RALGPS1: variants seen among roughly 807,000 people sequenced by gnomAD.
RALGPS1 encodes the protein Ral GEF with PH domain and SH3 binding motif 1.
Under a neutral mutation model 78.8 loss-of-function variants are expected in RALGPS1, and 19 were observed. The ratio of observed to expected loss-of-function variants is 0.24; its 90% CI spans 0.17 to 0.35. The LOEUF is 0.35. Among genes scored for constraint, RALGPS1 ranks in the 10% least tolerant of loss-of-function variants. The probability of loss-of-function intolerance (pLI) is 1.00; values close to 1 mark genes in which losing one functional copy is unlikely to be tolerated. For synonymous variants in RALGPS1, 228 were observed against 256.3 expected (o/e 0.89, Z 1.06); for missense variants, 454 against 688.3 (o/e 0.66, Z 3.81).
intron 7 of RALGPS1, among the ~76,000 whole-genome samples, chr9:127,066,863 A>G (rs2135780002): frequency 6.6e-6 from 1 of 152,270 alleles, no homozygotes; most frequent in East Asian, 1.9e-4. Context: ...CCCAGGCTGG[A>G]GTACGGTGGC....
intron 17 of RALGPS1, among the ~76,000 whole-genome samples, chr9:127,214,472 A>G (rs2062461189): frequency 6.6e-6 from 1 of 152,038 alleles, no homozygotes; most frequent in Admixed American, 6.6e-5. Flanking sequence ...AGTATTATCG[A>G]TTTCCTTTGT....
chr9:127,133,806 G>C (rs2057192092), intron 8 of RALGPS1, among the ~76,000 whole-genome samples: 1 of 152,026 alleles, frequency 6.6e-6, no homozygotes, highest in African/African-American at 2.4e-5. Flanking sequence ...GCAAATCCCA[G>C]CTGACACCCC....
intron 4 of RALGPS1, among the ~76,000 whole-genome samples, chr9:127,003,484 C>G (rs966696923): frequency 6.6e-6 from 1 of 152,104 alleles, no homozygotes; most frequent in African/African-American, 2.4e-5. Context: ...CAGAGAAATG[C>G]AAATCAAAAC....
chr9:127,098,115 A>G (rs1230746525), intron 8 of RALGPS1, among the ~76,000 whole-genome samples: 1 of 152,258 alleles, frequency 6.6e-6, no homozygotes, highest in Non-Finnish European at 1.5e-5. Context: ...TTTCAATACA[A>G]GACTAAATGT....
In RALGPS1 at chr9:126,978,076, G is replaced by A. The variant is rs555631966; in HGVS notation, c.216+331G>A. 8.3e-4 allele frequency: 175 copies of A among 210,086 alleles called. 2 individuals carry two copies. The highest frequency in any genetic ancestry group is 2.7e-3 in the South Asian group (15 of 5,532). 13.0% of individuals were successfully genotyped at this position (210,086 alleles called of 1,614,324 possible). On this transcript the variant is annotated intron_variant, in intron 4 of 18. Coordinates refer to ENST00000259351, the MANE Select transcript of RALGPS1 (RefSeq NM_014636.3). ...TGTTTGCTTTCAAGAAGTGATGTGA[G>A]GGAACATTTTTCTGGAAAGTTCTCT...
intron 8 of RALGPS1, among the ~76,000 whole-genome samples, chr9:127,080,163 G>A (rs2051043984): frequency 6.6e-6 from 1 of 152,198 alleles, no homozygotes; most frequent in South Asian, 2.1e-4. Flanking sequence ...ATTAGGGTCT[G>A]AGAGGGCCTG....
intron 8 of RALGPS1, among the ~76,000 whole-genome samples, chr9:127,151,697 C>T (rs1199423121): frequency 6.6e-6 from 1 of 151,996 alleles, no homozygotes; most frequent in East Asian, 1.9e-4. Context: ...AGTGTTTAGC[C>T]AGAATGGGTC....
At chr9:126,956,826 G>A (rs1478840025) in intron 1 of RALGPS1, among the ~76,000 whole-genome samples, 1 of 152,224 alleles carries the variant, frequency 6.6e-6, no homozygotes, top group Non-Finnish European at 1.5e-5. Context: ...CACTGACACC[G>A]ATAGTAACTG....
chr9:126,982,632 A>G (rs1329354490), intron 4 of RALGPS1, among the ~76,000 whole-genome samples: 1 of 151,984 alleles, frequency 6.6e-6, no homozygotes, highest in Non-Finnish European at 1.5e-5. Context: ...TGTGGTTGTC[A>G]CCCACCAGTT....
At chr9:127,171,450 C>T (rs1244969899) in intron 10 of RALGPS1, among the ~76,000 whole-genome samples, 4 of 152,098 alleles carry the variant, frequency 2.6e-5, no homozygotes, top group Admixed American at 6.5e-5. Flanking sequence ...AAAGAGCCTT[C>T]TAAAATTAAT....
At chr9:127,083,596 C>T (rs1355060173) in intron 8 of RALGPS1, among the ~76,000 whole-genome samples, 1 of 152,222 alleles carries the variant, frequency 6.6e-6, no homozygotes, top group African/African-American at 2.4e-5. Flanking sequence ...TGCCCATGGA[C>T]TTGGGGAGAT....
chr9:126,941,285 G>T (rs2036765183), intron 1 of RALGPS1, among the ~76,000 whole-genome samples: 1 of 151,940 alleles, frequency 6.6e-6, no homozygotes, highest in Non-Finnish European at 1.5e-5. Context: ...TAATTTAATT[G>T]TACATTTAAA....
rs759636822 is a variant in RALGPS1, at chr9:127,218,596, A to G, written c.1645-144A>G. 10 of 815,004 alleles carry G rather than the reference A, an allele frequency of 1.2e-5. No homozygotes were observed. Among genetic ancestry groups the G allele is most frequent in the South Asian group, 8.5e-5 (6 of 70,810 alleles). 50.5% of individuals were successfully genotyped at this position (815,004 alleles called of 1,614,324 possible). ...AGCTGCCACTTCACATGGGGTGGCT[A>G]TTGTTATTGCCATACCCTCTCCCTA... On this transcript the variant is annotated intron_variant, in intron 18 of 18. Transcript: ENST00000259351. The surrounding 1 kb of genome is among the most constrained non-coding windows in gnomAD (Gnocchi z 4.4).
At position 127,199,757 on chromosome 9, in the gene RALGPS1, G is replaced by T. The variant is rs573067122; in HGVS notation, c.1247+691G>T. Among the ~76,000 whole-genome samples the T allele has an allele frequency of 2.1e-4, 32 of 152,304 alleles. 1 individual carries two copies. The South Asian group carries it at 5.4e-3, about 26-fold the overall frequency. On this transcript the variant is annotated intron_variant, in intron 14 of 18. Transcript: ENST00000259351. ...GGAAGGCAGGCAATGCTGTGAAGGGGGTACCCCCACAGCCATGGCACCACC... is the reference window on the plus strand; with the variant it reads ...GGAAGGCAGGCAATGCTGTGAAGGGTGTACCCCCACAGCCATGGCACCACC...
chr9:126,956,372 A>T (rs1255308831), intron 1 of RALGPS1, among the ~76,000 whole-genome samples: 1 of 152,148 alleles, frequency 6.6e-6, no homozygotes, highest in African/African-American at 2.4e-5. Context: ...TGAAAAGGAC[A>T]GTCCGTTGTA....
chr9:127,083,719 T>G (rs1225860487), intron 8 of RALGPS1, among the ~76,000 whole-genome samples: 1 of 152,212 alleles, frequency 6.6e-6, no homozygotes, highest in East Asian at 1.9e-4. Context: ...CTGTGGACTT[T>G]TCTTTTCCCA....
At position 127,091,351 on chromosome 9, in the gene RALGPS1, G is replaced by C. The variant is rs183229241; in HGVS notation, c.610+21995G>C. Among the ~76,000 whole-genome samples the C allele has an allele frequency of 2.0e-5, 3 of 152,332 alleles. No homozygotes were observed. In the East Asian group the frequency reaches 5.8e-4, roughly 29 times the overall value. On this transcript the variant is annotated intron_variant, in intron 8 of 18. Transcript: ENST00000259351. The surrounding 1 kb of genome is among the most constrained non-coding windows in gnomAD (Gnocchi z 4.3). ...ATACCAGGTGCCTGGGACAGAAGTG[G>C]TGAGGCCACAGCCCAACACATGTCT...
At chr9:126,950,226 A>G (rs1195520924) in intron 1 of RALGPS1, among the ~76,000 whole-genome samples, 1 of 152,294 alleles carries the variant, frequency 6.6e-6, no homozygotes. Context: ...GCCTTGTAGT[A>G]TAGTTTGAAG....
chr9:127,000,160 G>A (rs1387019688), intron 4 of RALGPS1, among the ~76,000 whole-genome samples: 1 of 151,842 alleles, frequency 6.6e-6, no homozygotes, highest in Non-Finnish European at 1.5e-5. Context: ...GAGAGCTTTT[G>A]GTTTCATTAT....
Sources: gnomAD v4.1 joint callset for allele counts (sites outside exome capture counted in the v4.1 genomes callset) on GRCh38, gnomAD v4.1.1 for gene constraint, Gnocchi (gnomAD v3.1) non-coding constraint, MANE v1.5 for transcripts, NCBI Gene and HGNC (gene_info 2026-07-23, HGNC 2026-07-21) for gene names.